ADAMTS9: variants seen among roughly 807,000 people sequenced by gnomAD.
ADAMTS9 encodes A disintegrin and metalloproteinase with thrombospondin motifs 9.
Under a neutral mutation model 257.1 loss-of-function variants are expected in ADAMTS9, and 107 were observed. That is an observed-to-expected ratio of 0.42 (90% confidence interval 0.36 to 0.49). ADAMTS9 has a LOEUF of 0.49. Ranked by LOEUF, ADAMTS9 falls within the 20% of genes least tolerant of loss-of-function variation. ADAMTS9 has a pLI of 0.03. For synonymous variants in ADAMTS9, 982 were observed against 880.9 expected, an observed-to-expected ratio of 1.11 and a Z score of -2.03; for missense variants, 2,353 against 2,469.1, an observed-to-expected ratio of 0.95 and a Z score of 1.00.
At chr3:64,671,491 C>T (rs966808476) in intron 3 of ADAMTS9, among the ~76,000 whole-genome samples, 5 of 151,822 alleles carry the variant, frequency 3.3e-5, no homozygotes, top group Non-Finnish European at 5.9e-5. Flanking sequence ...CTAGGAAACA[C>T]GAATGGAAAA....
chr3:64,575,232 A>C (rs1412262668), intron 28 of ADAMTS9, among the ~76,000 whole-genome samples: 1 of 152,192 alleles, frequency 6.6e-6, no homozygotes, highest in Non-Finnish European at 1.5e-5. Flanking sequence ...AATCTCTTGA[A>C]TGCTCAATCT....
intron 19 of ADAMTS9, 50 bp from the exon 20 acceptor site, chr3:64,616,220 C>T (rs766095943): frequency 9.5e-6 from 15 of 1,581,970 alleles, no homozygotes; most frequent in Non-Finnish European, 1.0e-5. Flanking sequence ...AAAATATATG[C>T]CTTATCTATA....
chr3:64,639,707 CCACCA>C (rs772641761), intron 12 of ADAMTS9, among the ~76,000 whole-genome samples: 4 of 152,128 alleles, frequency 2.6e-5, no homozygotes, highest in Non-Finnish European at 4.4e-5. Context: ...CTCAATGTAG[CCACCA>C]AATAGTTTTT....
chr3:64,586,012 A>G (rs1045584350), intron 28 of ADAMTS9, among the ~76,000 whole-genome samples: 19 of 152,260 alleles, frequency 1.2e-4, no homozygotes, highest in Admixed American at 7.9e-4. Flanking sequence ...ACATTTTACC[A>G]TTTCATCAAC....
At chr3:64,575,398 C>G (rs1375809929) in intron 28 of ADAMTS9, among the ~76,000 whole-genome samples, 4 of 152,140 alleles carry the variant, frequency 2.6e-5, no homozygotes, top group Non-Finnish European at 5.9e-5. Flanking sequence ...TATTTGGCTC[C>G]CGTCGCAATG....
At chr3:64,520,601 A>G (rs1221865800) in intron 39 of ADAMTS9, among the ~76,000 whole-genome samples, 3 of 152,334 alleles carry the variant, frequency 2.0e-5, no homozygotes, top group Non-Finnish European at 4.4e-5. Flanking sequence ...TAAAATAGAC[A>G]CAAAAATTAA....
chr3:64,530,262 C>T (rs1353038696), intron 38 of ADAMTS9, among the ~76,000 whole-genome samples: 1 of 150,848 alleles, frequency 6.6e-6, no homozygotes, highest in Non-Finnish European at 1.5e-5. Context: ...CATGCTAATG[C>T]TTACTGTGAC....
intron 8 of ADAMTS9, among the ~76,000 whole-genome samples, chr3:64,651,517 C>T (rs1415066791): frequency 2.6e-5 from 4 of 152,138 alleles, no homozygotes; most frequent in East Asian, 3.9e-4. Flanking sequence ...TGTTAAAGGG[C>T]AATTTATAGA....
chr3:64,584,456 C>T lies in ADAMTS9; in HGVS notation c.4356+9802G>A, dbSNP rs186555096. ...TAGGAAAGATTCTGTTTCTGCTGAG[C>T]TCTGCCACACCCCACTCCCTTTTTT... is the stretch of plus-strand genomic sequence containing the variant. On this transcript the variant is annotated intron_variant, in intron 28 of 39. Coordinates refer to ENST00000498707, the MANE Select transcript of ADAMTS9 (RefSeq NM_182920.2). Among the ~76,000 whole-genome samples, 3 of 152,206 alleles carry T rather than the reference C, an allele frequency of 2.0e-5. No individual in the cohort carries two copies. In the East Asian group the frequency reaches 5.8e-4, roughly 29 times the overall value.
chr3:64,662,787 G>A (rs1701256373), intron 3 of ADAMTS9, among the ~76,000 whole-genome samples: 1 of 151,862 alleles, frequency 6.6e-6, no homozygotes, highest in African/African-American at 2.4e-5. Flanking sequence ...GTACAAGTTG[G>A]GTATCCCTTA....
Position 64,568,434 on chromosome 3 carries a change from C to T in ADAMTS9, c.4458G>A (p.Lys1486=), listed in dbSNP as rs1366379922. 1 of 1,614,032 alleles carries T rather than the reference C, an allele frequency of 6.2e-7. No homozygotes were observed. Among genetic ancestry groups the T allele is most frequent in the Admixed American group, 1.7e-5 (1 of 59,974 alleles). The part of the protein sequence containing the change: ...LESDYCKHLA[K]PHGHRKCRGG... ...CTCGGCACTTTCTGTGCCCATGTGG[C>T]TTAGCCAGGTGCTTACAGTAATCAC... Residue 1486 remains lysine, a synonymous_variant, in exon 29 of 40, where the codon AAG becomes AAA. Coordinates refer to ENST00000498707, the MANE Select transcript of ADAMTS9 (RefSeq NM_182920.2).
At chr3:64,533,630 C>T (rs746281983) in intron 37 of ADAMTS9, among the ~76,000 whole-genome samples, 1 of 152,222 alleles carries the variant, frequency 6.6e-6, no homozygotes, top group Non-Finnish European at 1.5e-5. Flanking sequence ...TGATGTTGCT[C>T]ACAATTATCA....
At position 64,687,672 on chromosome 3, in the gene ADAMTS9, C is replaced by T. The variant is rs1403770330; in HGVS notation, c.-15G>A. The T allele has an allele frequency of 6.7e-7, 1 of 1,495,188 alleles. No individual in the cohort carries two copies. Among genetic ancestry groups the T allele is most frequent in the South Asian group, 1.3e-5 (1 of 79,696 alleles). The allele number at this position is 1,495,188 out of a possible 1,614,324, so 92.6% of individuals were successfully genotyped here. ...ACAAACTGCATGGTGCTTCCCACCC[C>T]TCCCTCCGCTGCCCCCACCCCCCTC... On this transcript the variant is annotated 5_prime_UTR_variant, in exon 1 of 40. Transcript: ENST00000498707. The surrounding 1 kb of genome is among the most constrained non-coding windows in gnomAD (Gnocchi z 4.4).
At chr3:64,524,233 T>A (rs2082883750) in intron 38 of ADAMTS9, among the ~76,000 whole-genome samples, 1 of 152,232 alleles carries the variant, frequency 6.6e-6, no homozygotes, top group Admixed American at 6.5e-5. Context: ...TCAAAATCCA[T>A]TTAACTAGCA....
intron 12 of ADAMTS9, among the ~76,000 whole-genome samples, chr3:64,635,598 T>C (rs555358987): frequency 3.7e-4 from 56 of 152,270 alleles, no homozygotes; most frequent in Non-Finnish European, 4.6e-4. Context: ...CTAGGGAAGA[T>C]GAGGTGCTTT....
chr3:64,529,530 CA>C (rs1035993593), intron 38 of ADAMTS9, among the ~76,000 whole-genome samples: 1 of 152,132 alleles, frequency 6.6e-6, no homozygotes, highest in African/African-American at 2.4e-5. Context: ...TATAACTGGC[CA>C]GGGTCTGAGC....
chr3:64,573,910 G>A (rs1337546979), intron 28 of ADAMTS9, among the ~76,000 whole-genome samples: 1 of 152,184 alleles, frequency 6.6e-6, no homozygotes, highest in Non-Finnish European at 1.5e-5. Context: ...TTGCTCAGTG[G>A]AAGGCCTGGA....
At chr3:64,575,138 T>C (rs1344412059) in intron 28 of ADAMTS9, among the ~76,000 whole-genome samples, 2 of 152,184 alleles carry the variant, frequency 1.3e-5, no homozygotes, top group Non-Finnish European at 2.9e-5. Flanking sequence ...ACTATTTCCA[T>C]TGATGGGTGA....
intron 30 of ADAMTS9, among the ~76,000 whole-genome samples, chr3:64,551,812 G>C (rs113286178): frequency 7.2e-5 from 11 of 152,274 alleles, no homozygotes; most frequent in African/African-American, 2.6e-4. Flanking sequence ...CCCTGTCCTA[G>C]TTTTCCATTC....
Sources: gnomAD v4.1 joint callset for allele counts (sites outside exome capture counted in the v4.1 genomes callset) on GRCh38, gnomAD v4.1.1 for gene constraint, Gnocchi (gnomAD v3.1) non-coding constraint, MANE v1.5 for transcripts, NCBI Gene and HGNC (gene_info 2026-07-23, HGNC 2026-07-21) for gene names.